The following MBNL3 variants were observed in gnomAD, a reference collection of about 807,000 sequenced individuals.
MBNL3 encodes muscleblind-like protein 3.
MBNL3 carries 6 observed loss-of-function variants against 24.5 expected under a neutral mutation model. That is an observed-to-expected ratio of 0.25 (90% confidence interval 0.13 to 0.48). The LOEUF is 0.48. Among genes scored for constraint, MBNL3 ranks in the 20% least tolerant of loss-of-function variants. The probability of loss-of-function intolerance (pLI) is 0.99; values close to 1 mark genes in which losing one functional copy is unlikely to be tolerated. For missense variants in MBNL3, 230 were observed against 293.5 expected, an observed-to-expected ratio of 0.78 and a Z score of 1.58; for synonymous variants, 100 against 101.7, an observed-to-expected ratio of 0.98 and a Z score of 0.10.
intron 5 of MBNL3, among the ~76,000 whole-genome samples, chrX:132,388,586 T>A (rs1412132026): frequency 1.8e-5 from 2 of 111,945 alleles, no homozygotes; most frequent in East Asian, 2.8e-4. Context: ...TAGACGCTGG[T>A]AAGGTAGTAC....
intron 1 of MBNL3, among the ~76,000 whole-genome samples, chrX:132,453,999 C>T (rs923335210): frequency 6.3e-5 from 7 of 111,511 alleles, no homozygotes; most frequent in African/African-American, 1.3e-4. Context: ...GGCTGAAGCA[C>T]GAGAATCGCT....
At chrX:132,388,232 G>C (rs139592971) in intron 5 of MBNL3, among the ~76,000 whole-genome samples, 55 of 112,108 alleles carry the variant, frequency 4.9e-4, no homozygotes, top group Non-Finnish European at 7.9e-4. Context: ...AAGCATGCTA[G>C]AAGAGTGAGA....
intron 3 of MBNL3, among the ~76,000 whole-genome samples, chrX:132,404,680 C>T (rs1453969954): frequency 8.9e-6 from 1 of 111,817 alleles, no homozygotes; most frequent in Non-Finnish European, 1.9e-5. Context: ...TTGCCTCTCC[C>T]ATCTGTTTTT....
At position 132,369,650 on chromosome X, in the gene MBNL3, A is replaced by G. The variant is rs1933442191; in HGVS notation, c.*10016T>C. ...TCCATTCCCTCAAGTCCAGTTTTTA[A>G]TGAACAGGCTGTTTGCTTTAGCAGG... On this transcript the variant is annotated 3_prime_UTR_variant, in exon 9 of 9. Transcript: ENST00000370853. The G allele has an allele frequency of 8.9e-6, 1 of 112,039 alleles. No individual in the cohort carries two copies. Among genetic ancestry groups the G allele is most frequent in the Admixed American group, 9.4e-5 (1 of 10,594 alleles). The allele number at this position is 112,039 out of a possible 1,213,427, so 9.2% of individuals were successfully genotyped here.
At chrX:132,470,256 A>G (rs912286720) in intron 1 of MBNL3, among the ~76,000 whole-genome samples, 4 of 111,934 alleles carry the variant, frequency 3.6e-5, no homozygotes, top group Non-Finnish European at 7.5e-5. Context: ...AAAAATGTCT[A>G]ATTCACTTAC....
At chrX:132,453,160 G>A (rs913424102) in intron 1 of MBNL3, among the ~76,000 whole-genome samples, 3 of 111,363 alleles carry the variant, frequency 2.7e-5, no homozygotes, top group Non-Finnish European at 5.7e-5. Context: ...ATGTGTGGGT[G>A]GTTTCTGAAG....
At position 132,369,834 on chromosome X, in the gene MBNL3, GCA is replaced by G. The variant is rs957074992; in HGVS notation, c.*9830_*9831del. On this transcript the variant is annotated 3_prime_UTR_variant, in exon 9 of 9. Coordinates refer to ENST00000370853, the MANE Select transcript of MBNL3 (RefSeq NM_001386889.1). ...TGTGTGTCTATGTCTGTTGCACTTT[GCA>G]CCGGATGCCCTGCCTGCCTTTTCAC... The G allele has an allele frequency of 8.9e-6, 1 of 112,201 alleles. No homozygotes were observed. The highest frequency in any genetic ancestry group is 3.2e-5 in the African/African-American group (1 of 30,840). The allele number at this position is 112,201 out of a possible 1,213,427, so 9.2% of individuals were successfully genotyped here. A position where few individuals can be genotyped will look rare whatever the true frequency, so the allele number is the denominator to read the frequency against.
intron 7 of MBNL3, among the ~76,000 whole-genome samples, 155 bp downstream of exon 7, chrX:132,384,508 G>A (rs1473894142): frequency 8.9e-6 from 1 of 111,867 alleles, no homozygotes; most frequent in Non-Finnish European, 1.9e-5. Flanking sequence ...CTATTTTGAT[G>A]CTACAAAGAC....
At chrX:132,475,314 G>GATTAGTGTT (rs775900941) in intron 1 of MBNL3, among the ~76,000 whole-genome samples, 54 of 112,142 alleles carry the variant, frequency 4.8e-4, no homozygotes, top group Admixed American at 3.8e-4. Context: ...ATGGGTAACA[G>GATTAGTGTT]ATTAGTGTTG....
chrX:132,400,443 G>A lies in MBNL3; in HGVS notation c.342+5785C>T, dbSNP rs189841233. Among the ~76,000 whole-genome samples the A allele has an allele frequency of 2.6e-3, 292 of 111,752 alleles. 1 individual carries two copies. The highest frequency in any genetic ancestry group is 4.2e-3 in the South Asian group (11 of 2,650). On this transcript the variant is annotated intron_variant, in intron 3 of 8. Transcript: ENST00000370853. ...ACACAGTCTTATTAGCAAAAGGCCC[G>A]AATAACTACTCTACTTTGGACCAGT... is the stretch of plus-strand genomic sequence containing the variant.
rs1473234463 is a variant in MBNL3 at position 132,378,245 on chromosome X, G to GA, written c.*1420dup. On this transcript the variant is annotated 3_prime_UTR_variant, in exon 9 of 9. Transcript: ENST00000370853. ...CCTTCACTGAACTGTTTAACAAAACGAAACTCAGTTGAACCGAAGCTAAAG... is the reference window on the plus strand; with the variant it reads ...CCTTCACTGAACTGTTTAACAAAACGAAAACTCAGTTGAACCGAAGCTAAAG... 2 of 111,318 alleles carry GA rather than the reference G, an allele frequency of 1.8e-5. No individual in the cohort carries two copies. The highest frequency in any genetic ancestry group is 6.5e-5 in the African/African-American group (2 of 30,628). The allele number at this position is 111,318 out of a possible 1,213,427, so 9.2% of individuals were successfully genotyped here. A position where few individuals can be genotyped will look rare whatever the true frequency, so the allele number is the denominator to read the frequency against.
At chrX:132,479,815 A>G (rs927140893) in intron 1 of MBNL3, among the ~76,000 whole-genome samples, 1 of 111,236 alleles carries the variant, frequency 9.0e-6, no homozygotes, top group Non-Finnish European at 1.9e-5. Context: ...TCCCCCCACC[A>G]AATTTGGAAG....
intron 2 of MBNL3, among the ~76,000 whole-genome samples, chrX:132,407,973 C>T (rs912466544): frequency 9.2e-6 from 1 of 109,206 alleles, no homozygotes; most frequent in Admixed American, 9.9e-5. Context: ...TCCTCTTGCT[C>T]TCCTCTCTAA....
intron 2 of MBNL3, among the ~76,000 whole-genome samples, chrX:132,409,419 G>A (rs1368899225): frequency 2.7e-5 from 3 of 111,663 alleles, no homozygotes; most frequent in Non-Finnish European, 5.6e-5. Flanking sequence ...GTACTAGGAA[G>A]GTTCCAATGA....
chrX:132,461,567 T>C (rs1010752757), intron 1 of MBNL3, among the ~76,000 whole-genome samples: 1 of 111,310 alleles, frequency 9.0e-6, no homozygotes. Context: ...GGGGAGATAA[T>C]CTCACACCCC....
chrX:132,450,333 C>T (rs1174882650), intron 1 of MBNL3, among the ~76,000 whole-genome samples: 1 of 111,304 alleles, frequency 9.0e-6, no homozygotes, highest in African/African-American at 3.3e-5. Context: ...TCACATAGTC[C>T]CATATTTCTT....
chrX:132,439,626 T>C lies in MBNL3; in HGVS notation c.-15A>G. 8.4e-7 allele frequency: 1 copy of C among 1,186,669 alleles called. No homozygotes were observed. The highest frequency in any genetic ancestry group is 1.1e-6 in the Non-Finnish European group (1 of 882,690). On this transcript the variant is annotated 5_prime_UTR_variant, in exon 2 of 9. Transcript: ENST00000370853. Reference sequence around the variant, plus strand: ...ACAGCCGTCATATTGAAAGCAAAATTAAAATCCAATGTACCCTCTTTAGGA... The same window carrying C: ...ACAGCCGTCATATTGAAAGCAAAATCAAAATCCAATGTACCCTCTTTAGGA...
chrX:132,391,756 T>A (rs1038776135), intron 4 of MBNL3, among the ~76,000 whole-genome samples: 1 of 112,344 alleles, frequency 8.9e-6, no homozygotes, highest in Non-Finnish European at 1.9e-5. Flanking sequence ...TGTGTTCATA[T>A]AGCTTTACAT....
At chrX:132,421,230 A>ATTAGTTCTTTT (rs1216495939) in intron 2 of MBNL3, among the ~76,000 whole-genome samples, 51 of 112,296 alleles carry the variant, frequency 4.5e-4, no homozygotes, top group Non-Finnish European at 8.3e-4. Flanking sequence ...ATTTTTCTTT[A>ATTAGTTCTTTT]TTAGTTCTTT....
Sources: gnomAD v4.1 joint callset for allele counts (sites outside exome capture counted in the v4.1 genomes callset) on GRCh38, gnomAD v4.1.1 for gene constraint, MANE v1.5 for transcripts, NCBI Gene and HGNC (gene_info 2026-07-23, HGNC 2026-07-21) for gene names.